The following VPS8 variants were observed in gnomAD, a reference collection of about 807,000 sequenced individuals.
VPS8 encodes vacuolar protein sorting-associated protein 8 homolog.
A neutral mutation model predicts 216.4 loss-of-function variants in VPS8; 129 were observed. The ratio of observed to expected loss-of-function variants is 0.60; its 90% CI spans 0.52 to 0.69. The LOEUF is 0.69. VPS8 is among the 30% of genes least tolerant of loss of function. VPS8 has a pLI of 0.00. For missense variants in VPS8, 1,531 were observed against 1,683.5 expected (o/e 0.91, Z 1.59); for synonymous variants, 571 against 565.4 (o/e 1.01, Z -0.14).
chr3:184,839,687 TTTG>T lies in VPS8; in HGVS notation c.481-8_481-6del. 1 of 1,599,498 alleles carries T rather than the reference TTTG, an allele frequency of 6.3e-7. No individual in the cohort carries two copies. Among genetic ancestry groups the T allele is most frequent in the Non-Finnish European group, 8.5e-7 (1 of 1,172,342 alleles). On this transcript the variant is annotated splice_region_variant and splice_polypyrimidine_tract_variant and intron_variant, in intron 6 of 47. Transcript: ENST00000625842. ...AATGTCTTAAAACGTAATCTTCCCT[TTTG>T]TTTTCAGGCAGTATCCAGTCTGATA...
chr3:184,982,647 G>A lies in VPS8; in HGVS notation c.3502G>A (p.Ala1168Thr), dbSNP rs1560976296. The part of the protein sequence containing the change: ...SSAIPHLHSE[A>T]LKSLTMQVLN... ...AGCCATTCCTCATCTACACTCTGAAGGTAAGTTCTTCAGAATTCAAGTGAC... is the reference window on the plus strand; with the variant it reads ...AGCCATTCCTCATCTACACTCTGAAAGTAAGTTCTTCAGAATTCAAGTGAC... Residue 1168 changes from alanine (A) to threonine (T), a missense_variant and splice_region_variant, in exon 41 of 48, where the codon GCT (alanine) becomes ACT (threonine). Around this residue, in one of 3 missense-constraint regions of VPS8, gnomAD observed 1,318 missense variants for 1,468.4 expected, o/e 0.90. Coordinates refer to ENST00000625842, the MANE Select transcript of VPS8 (RefSeq NM_001009921.3). 6.2e-7 allele frequency: 1 copy of A among 1,608,974 alleles called. No individual in the cohort carries two copies.
chr3:184,815,097 A>G (rs116494628), intron 1 of VPS8, among the ~76,000 whole-genome samples: 2,365 of 152,298 alleles, frequency 0.016, 46 homozygotes, highest in African/African-American at 0.048. Flanking sequence ...GCAGTAACAC[A>G]TAGGGAACTG....
At chr3:184,977,998 A>G (rs1395352289) in intron 40 of VPS8, among the ~76,000 whole-genome samples, 1 of 150,512 alleles carries the variant, frequency 6.6e-6, no homozygotes, top group African/African-American at 2.4e-5. Context: ...GAAGAGTTTC[A>G]GTAGAATTGG....
At chr3:184,988,224 T>C (rs964238974) in intron 42 of VPS8, among the ~76,000 whole-genome samples, 2 of 152,218 alleles carry the variant, frequency 1.3e-5, no homozygotes, top group South Asian at 2.1e-4. Flanking sequence ...ATGTTGTATG[T>C]AAAAACTCAT....
chr3:184,867,935 T>C (rs1444474576), intron 17 of VPS8, 89 bp from the exon 18 acceptor site: 1 of 1,340,996 alleles, frequency 7.5e-7, no homozygotes. Context: ...TAAAGGGATA[T>C]CAAATGAGAT....
At position 184,926,628 on chromosome 3, in the gene VPS8, C is replaced by G. The variant is rs1315626392; in HGVS notation, c.2609C>G (p.Ser870Cys). The change falls in exon 31 of 48, where the codon TCC becomes TGC. Residue 870 changes from serine (S) to cysteine (C), a missense_variant. Around this residue, in one of 3 missense-constraint regions of VPS8, gnomAD observed 1,318 missense variants for 1,468.4 expected, o/e 0.90. Transcript: ENST00000625842. ...LEFLCSPDDD[S>C]RHSERQQVLL... is the part of the protein sequence containing the mutation. ...TTCCTTTGTAGTCCTGACGATGACT[C>G]CCGACACTCTGAAAGACAGCAGGTA... The G allele has an allele frequency of 1.9e-6, 3 of 1,605,718 alleles. No homozygotes were observed. In the African/African-American group the frequency reaches 4.0e-5, roughly 21 times the overall value.
intron 8 of VPS8, among the ~76,000 whole-genome samples, chr3:184,844,134 A>G (rs1722672230): frequency 6.6e-6 from 1 of 152,208 alleles, no homozygotes; most frequent in Admixed American, 6.5e-5. Context: ...ATAAAGGATA[A>G]GAAAAGGCTG....
At chr3:184,852,657 C>T (rs746350549) in intron 11 of VPS8, 90 bp downstream of exon 11, 2 of 1,238,350 alleles carry the variant, frequency 1.6e-6, no homozygotes, top group Non-Finnish European at 2.3e-6. Context: ...CTAGAAAGCC[C>T]CTGTAATTGA....
intron 25 of VPS8, among the ~76,000 whole-genome samples, chr3:184,904,746 T>C (rs188571014): frequency 1.1e-4 from 17 of 152,326 alleles, no homozygotes; most frequent in Admixed American, 1.0e-3. Flanking sequence ...TATTCTCTCT[T>C]TTATTTTTTG....
intron 14 of VPS8, among the ~76,000 whole-genome samples, 169 bp from the exon 15 acceptor site, chr3:184,859,816 A>T (rs889998886): frequency 6.6e-6 from 1 of 151,938 alleles, no homozygotes; most frequent in African/African-American, 2.4e-5. Context: ...GGAACAAATA[A>T]TTTTTTTTCT....
Position 184,889,184 on chromosome 3 carries a change from G to C in VPS8, c.1781+3028G>C, listed in dbSNP as rs116250407. 4.6e-3 allele frequency among the ~76,000 whole-genome samples: 696 copies of C among 152,192 alleles called. 7 individuals carry two copies. The highest frequency in any genetic ancestry group is 0.016 in the African/African-American group (654 of 41,532). On this transcript the variant is annotated intron_variant, in intron 22 of 47. Coordinates refer to ENST00000625842, the MANE Select transcript of VPS8 (RefSeq NM_001009921.3). ...AACATAGAAGATAAAATCTGGTCTA[G>C]ATTTTCACCAAATTAGGATCCATTT... is the stretch of plus-strand genomic sequence containing the variant.
intron 1 of VPS8, among the ~76,000 whole-genome samples, chr3:184,819,425 A>C (rs759690024): frequency 1.3e-5 from 2 of 152,234 alleles, no homozygotes; most frequent in Non-Finnish European, 2.9e-5. Flanking sequence ...TGGGTGAAGA[A>C]CTAGTTGTAG....
At chr3:185,048,354 G>C in intron 46 of VPS8, 125 bp from the exon 47 acceptor site, 2 of 889,460 alleles carry the variant, frequency 2.2e-6, no homozygotes, top group South Asian at 1.5e-5. Flanking sequence ...ACTAATAGCT[G>C]GTAGCATGGA....
intron 20 of VPS8, among the ~76,000 whole-genome samples, 169 bp downstream of exon 20, chr3:184,869,697 T>C (rs1471571960): frequency 6.6e-6 from 1 of 151,972 alleles, no homozygotes; most frequent in Non-Finnish European, 1.5e-5. Flanking sequence ...AAGACTAGCA[T>C]GGGCAACATA....
intron 46 of VPS8, among the ~76,000 whole-genome samples, chr3:185,044,687 G>A (rs947253961): frequency 3.3e-4 from 50 of 152,062 alleles, no homozygotes; most frequent in African/African-American, 1.2e-3. Flanking sequence ...GCTCATTCTA[G>A]GGTCATGACT....
chr3:184,923,582 T>C (rs1164946912), intron 29 of VPS8, among the ~76,000 whole-genome samples: 1 of 152,194 alleles, frequency 6.6e-6, no homozygotes, highest in Non-Finnish European at 1.5e-5. Context: ...CATGATGAAC[T>C]CCGCTGGTGG....
At chr3:184,992,166 A>C (rs1258353246) in intron 42 of VPS8, among the ~76,000 whole-genome samples, 2 of 152,200 alleles carry the variant, frequency 1.3e-5, no homozygotes, top group Admixed American at 6.5e-5. Flanking sequence ...ACTAGAACCC[A>C]GAAGAGAAAA....
At chr3:184,823,477 G>T (rs559759874) in intron 1 of VPS8, among the ~76,000 whole-genome samples, 1 of 152,326 alleles carries the variant, frequency 6.6e-6, no homozygotes, top group East Asian at 1.9e-4. Flanking sequence ...AGGGTTGGTG[G>T]TAGTGGTGTT....
intron 6 of VPS8, chr3:184,839,424 C>T (rs566918692): frequency 5.8e-6 from 2 of 344,722 alleles, no homozygotes; most frequent in Admixed American, 9.5e-5. Flanking sequence ...TTGAAAGTTG[C>T]TTTAGAGGAA....
Sources: allele counts gnomAD v4.1 joint callset (sites outside exome capture counted in the v4.1 genomes callset), GRCh38; gene constraint gnomAD v4.1.1; regional missense constraint gnomAD v4.1.1; transcripts MANE v1.5; gene names NCBI Gene and HGNC (gene_info 2026-07-23, HGNC 2026-07-21).